Variants in RFT1 observed in about 807,000 individuals in gnomAD.
RFT1 encodes the protein RFT1 glycolipid translocator homolog.
A neutral mutation model predicts 62.2 loss-of-function variants in RFT1; 43 were observed. The ratio of observed to expected loss-of-function variants is 0.69; its 90% CI spans 0.54 to 0.89. RFT1 has a LOEUF of 0.89. Among genes scored for constraint, RFT1 ranks in the 40% least tolerant of loss-of-function variants. The pLI is 0.00. For synonymous variants in RFT1, 262 were observed against 264.6 expected, an observed-to-expected ratio of 0.99 and a Z score of 0.10; for missense variants, 605 against 649.9, an observed-to-expected ratio of 0.93 and a Z score of 0.75.
At chr3:53,076,777 C>T in the RFT1 span, among the ~76,000 whole-genome samples, 1 of 151,958 alleles carries the variant, frequency 6.6e-6, no homozygotes, top group African/African-American at 2.4e-5. Context: ...ATAGTGTGAC[C>T]CCATCTCTAC....
the RFT1 span, among the ~76,000 whole-genome samples, chr3:53,080,899 C>T: frequency 4.6e-5 from 7 of 152,180 alleles, no homozygotes; most frequent in East Asian, 1.9e-4. Context: ...TCTCTGGACA[C>T]GTTTCCCTCC....
intron 6 of RFT1, among the ~76,000 whole-genome samples, chr3:53,118,675 T>C (rs1701876536): frequency 6.6e-6 from 1 of 152,016 alleles, no homozygotes. Context: ...GAAGGGAAAG[T>C]GCCCAGAATG....
chr3:53,070,931 C>T, the RFT1 span, among the ~76,000 whole-genome samples: 1 of 151,736 alleles, frequency 6.6e-6, no homozygotes, highest in African/African-American at 2.4e-5. Context: ...AGGGTTTCAC[C>T]ATGTTGGCCA....
In RFT1 at chr3:53,091,547, T is replaced by C; in HGVS notation, c.*356A>G. The C allele has an allele frequency of 3.5e-6, 1 of 289,828 alleles. No homozygotes were observed. The highest frequency in any genetic ancestry group is 3.6e-5 in the South Asian group (1 of 27,990). 18.0% of individuals were successfully genotyped at this position (289,828 alleles called of 1,614,324 possible). ...TCTCTTTTTCTGGGCCAGATAATTATTAACAGTTAACAATTAAGATATAGT... is the reference window on the plus strand; with the variant it reads ...TCTCTTTTTCTGGGCCAGATAATTACTAACAGTTAACAATTAAGATATAGT... On this transcript the variant is annotated 3_prime_UTR_variant, in exon 13 of 13. Coordinates refer to ENST00000296292, the MANE Select transcript of RFT1 (RefSeq NM_052859.4).
At chr3:53,109,332 C>T (rs1476584137) in intron 7 of RFT1, among the ~76,000 whole-genome samples, 1 of 152,184 alleles carries the variant, frequency 6.6e-6, no homozygotes, top group Non-Finnish European at 1.5e-5. Flanking sequence ...AATGAGTTTC[C>T]AAGTACCACA....
chr3:53,105,730 A>T lies in RFT1; in HGVS notation c.900T>A (p.Phe300Leu), dbSNP rs1701451503. ...RLIFQPIEESFYIFFAKVLER... is the reference protein window; with the variant it reads ...RLIFQPIEESLYIFFAKVLER... ...CCAGCACCTTAGCAAAAAATATATAAAAACTTTCCTCTATTGGCTGGAAAA... is the reference window on the plus strand; with the variant it reads ...CCAGCACCTTAGCAAAAAATATATATAAACTTTCCTCTATTGGCTGGAAAA... The change falls in exon 9 of 13, where the codon TTT (phenylalanine) becomes TTA (leucine). Residue 300 changes from phenylalanine to leucine, a missense_variant. By Grantham distance (22) the Phe-to-Leu change is conservative (BLOSUM62 0). Transcript: ENST00000296292. 6.2e-7 allele frequency: 1 copy of T among 1,613,892 alleles called. No individual in the cohort carries two copies. Among genetic ancestry groups the T allele is most frequent in the African/African-American group, 1.3e-5 (1 of 75,004 alleles).
chr3:53,124,974 C>T (rs1388181586), intron 2 of RFT1, among the ~76,000 whole-genome samples: 3 of 151,446 alleles, frequency 2.0e-5, no homozygotes, highest in African/African-American at 7.3e-5. Flanking sequence ...CCTGTCGTCT[C>T]AAAAAAAGAA....
chr3:53,127,652 T>TA (rs34417920), intron 1 of RFT1, among the ~76,000 whole-genome samples: 87 of 137,862 alleles, frequency 6.3e-4, no homozygotes, highest in East Asian at 1.3e-3. Flanking sequence ...GACTCCATCT[T>TA]AAAAAAAAAA....
downstream of RFT1, chr3:53,085,848 T>G (rs902338964): frequency 6.6e-6 from 1 of 152,240 alleles, no homozygotes; most frequent in African/African-American, 2.4e-5. Flanking sequence ...CTGCTGCTAA[T>G]TCATCTGAAG....
At chr3:53,118,761 C>T (rs1166564367) in intron 6 of RFT1, among the ~76,000 whole-genome samples, 1 of 152,120 alleles carries the variant, frequency 6.6e-6, no homozygotes, top group African/African-American at 2.4e-5. Flanking sequence ...GCATGGGCAG[C>T]AGCACTGACC....
chr3:53,121,568 C>CCCTT (rs1424748564), intron 5 of RFT1, 131 bp downstream of exon 5: 1 of 757,048 alleles, frequency 1.3e-6, no homozygotes, highest in Non-Finnish European at 2.3e-6. Flanking sequence ...GCTAAGGCCA[C>CCCTT]CCTTCTGGTG....
chr3:53,091,748 G>A lies in RFT1; in HGVS notation c.*155C>T. On this transcript the variant is annotated 3_prime_UTR_variant, in exon 13 of 13. Coordinates refer to ENST00000296292, the MANE Select transcript of RFT1 (RefSeq NM_052859.4). ...CATTTCAGACTTCGAATGGTCACAG[G>A]TGTCTCATGCAGTGGCACTCTCTGG... 1 of 773,324 alleles carries A rather than the reference G, an allele frequency of 1.3e-6. No individual in the cohort carries two copies. Among genetic ancestry groups the A allele is most frequent in the Non-Finnish European group, 2.3e-6 (1 of 441,838 alleles). The allele number at this position is 773,324 out of a possible 1,614,324, so 47.9% of individuals were successfully genotyped here.
intron 10 of RFT1, chr3:53,103,699 C>G (rs1357981891): frequency 2.0e-6 from 1 of 495,206 alleles, no homozygotes; most frequent in Non-Finnish European, 3.7e-6. Context: ...GGAAAGCCAA[C>G]AGCAAGGAGA....
intron 11 of RFT1, among the ~76,000 whole-genome samples, chr3:53,097,606 T>G (rs1007130153): frequency 6.6e-6 from 1 of 152,228 alleles, no homozygotes; most frequent in Non-Finnish European, 1.5e-5. Context: ...CCCTCACAAT[T>G]TGGTTGCAAT....
intron 11 of RFT1, among the ~76,000 whole-genome samples, chr3:53,094,800 C>T (rs1285295002): frequency 6.6e-6 from 1 of 151,772 alleles, no homozygotes; most frequent in Non-Finnish European, 1.5e-5. Context: ...GAGACGCATT[C>T]GACAGCACAG....
At chr3:53,102,517 T>C (rs1225838755) in intron 10 of RFT1, among the ~76,000 whole-genome samples, 4 of 151,940 alleles carry the variant, frequency 2.6e-5, no homozygotes, top group Non-Finnish European at 5.9e-5. Flanking sequence ...TGTTGTTCTG[T>C]GAGTTACCAA....
chr3:53,106,213 A>G (rs932262952), intron 8 of RFT1, among the ~76,000 whole-genome samples: 1 of 152,198 alleles, frequency 6.6e-6, no homozygotes, highest in Non-Finnish European at 1.5e-5. Flanking sequence ...AGCCTGGGCA[A>G]TAGAATGAGA....
At chr3:53,095,138 C>T (rs988718507) in intron 11 of RFT1, among the ~76,000 whole-genome samples, 4 of 151,868 alleles carry the variant, frequency 2.6e-5, no homozygotes, top group African/African-American at 4.8e-5. Context: ...TGGTGGTGCA[C>T]GTCTGTAGTC....
intron 2 of RFT1, among the ~76,000 whole-genome samples, chr3:53,124,054 C>T (rs1029659192): frequency 8.5e-5 from 13 of 152,208 alleles, no homozygotes; most frequent in African/African-American, 2.9e-4. Flanking sequence ...GGGTGTGTGC[C>T]TACAGTTACG....
Sources: allele counts gnomAD v4.1 joint callset (sites outside exome capture counted in the v4.1 genomes callset), GRCh38; gene constraint gnomAD v4.1.1; transcripts MANE v1.5; gene names NCBI Gene and HGNC (gene_info 2026-07-23, HGNC 2026-07-21).